Variants in CACNB4 observed in about 807,000 individuals in gnomAD.
The protein encoded by CACNB4 is calcium voltage-gated channel auxiliary subunit beta 4.
A neutral mutation model predicts 71.2 loss-of-function variants in CACNB4; 32 were observed. That is an observed-to-expected ratio of 0.45 (90% CI 0.34 to 0.60). The LOEUF (loss-of-function observed/expected upper bound fraction) is 0.60, where lower values mean the gene tolerates loss of function less well. Among genes scored for constraint, CACNB4 ranks in the 20% least tolerant of loss-of-function variants. The probability of loss-of-function intolerance (pLI) is 0.01; values close to 1 mark genes in which losing one functional copy is unlikely to be tolerated. For missense variants in CACNB4, 464 were observed against 647.9 expected (o/e 0.72, Z 3.08); for synonymous variants, 231 against 236.9 (o/e 0.97, Z 0.23).
chr2:152,093,691 G>T (rs185493352), intron 2 of CACNB4, among the ~76,000 whole-genome samples: 2 of 152,122 alleles, frequency 1.3e-5, no homozygotes, highest in African/African-American at 4.8e-5. Context: ...AAACTGAGCC[G>T]CTGCCAAAAG....
At chr2:152,071,931 G>A (rs923889818) in intron 2 of CACNB4, among the ~76,000 whole-genome samples, 1 of 152,188 alleles carries the variant, frequency 6.6e-6, no homozygotes, top group Non-Finnish European at 1.5e-5. Flanking sequence ...ACTGGTAGAG[G>A]TGATTTAATT....
intron 2 of CACNB4, among the ~76,000 whole-genome samples, chr2:151,896,715 G>C (rs67572576): frequency 0.095 from 14,455 of 152,220 alleles, 1,230 homozygotes; most frequent in Admixed American, 0.21. Flanking sequence ...TCTGTGTTCT[G>C]TGTGTTAGAG....
intron 2 of CACNB4, among the ~76,000 whole-genome samples, chr2:151,917,912 G>T (rs1400968933): frequency 6.6e-6 from 1 of 151,550 alleles, no homozygotes; most frequent in Non-Finnish European, 1.5e-5. Context: ...ATATGCTTTG[G>T]CTATGCACTA....
chr2:151,948,184 C>T (rs555743880), intron 2 of CACNB4, among the ~76,000 whole-genome samples: 3 of 152,330 alleles, frequency 2.0e-5, no homozygotes, highest in South Asian at 4.1e-4. Context: ...AAAAAGCTCT[C>T]CTACCCCAAA....
At chr2:151,880,731 T>C in intron 4 of CACNB4, 69 bp downstream of exon 4, 9 of 1,553,050 alleles carry the variant, frequency 5.8e-6, no homozygotes, top group Non-Finnish European at 7.9e-6. Context: ...TCTGGCTAGT[T>C]TGGCTCAGAG....
At chr2:151,941,651 T>C (rs558160064) in intron 2 of CACNB4, among the ~76,000 whole-genome samples, 4 of 152,130 alleles carry the variant, frequency 2.6e-5, no homozygotes, top group Non-Finnish European at 5.9e-5. Flanking sequence ...AAGAATCTTA[T>C]TGCTATGGTC....
chr2:152,029,512 GAAAAGAAAAGA>G lies in CACNB4; in HGVS notation c.147+68807_147+68817del, dbSNP rs1560145862. ...CGATCTCAAAAAAAAAAAAAAAAAA[GAAAAGAAAAGA>G]AAAGAAAAGAAAAGAAAGAGCCCAG... On this transcript the variant is annotated intron_variant, in intron 2 of 13. Transcript: ENST00000539935. Among the ~76,000 whole-genome samples, 312 of 133,598 alleles carry G rather than the reference GAAAAGAAAAGA, an allele frequency of 2.3e-3. 2 individuals carry two copies. The highest frequency in any genetic ancestry group is 0.014 in the East Asian group (67 of 4,770). 87.6% of individuals were successfully genotyped at this position (133,598 alleles called of 152,430 possible).
intron 2 of CACNB4, among the ~76,000 whole-genome samples, chr2:152,012,378 T>C (rs1015651161): frequency 6.6e-6 from 1 of 152,110 alleles, no homozygotes; most frequent in African/African-American, 2.4e-5. Context: ...CCGAGGCAGG[T>C]GGAGCGCCTG....
At chr2:151,915,431 T>C (rs1331172336) in intron 2 of CACNB4, among the ~76,000 whole-genome samples, 1 of 152,214 alleles carries the variant, frequency 6.6e-6, no homozygotes, top group Non-Finnish European at 1.5e-5. Flanking sequence ...TGCAGGCTGC[T>C]GTCCCTCCCG....
intron 12 of CACNB4, 71 bp from the exon 13 acceptor site, chr2:151,842,159 AAC>A (rs1458478210): frequency 7.9e-7 from 1 of 1,270,426 alleles, no homozygotes; most frequent in African/African-American, 1.5e-5. Context: ...AATTCCACTT[AAC>A]ACAGATAATA....
chr2:152,044,855 A>G (rs2105263652), intron 2 of CACNB4, among the ~76,000 whole-genome samples: 1 of 152,268 alleles, frequency 6.6e-6, no homozygotes, highest in Non-Finnish European at 1.5e-5. Context: ...ACCCAAGGCC[A>G]GTTTCATTCT....
chr2:151,903,180 T>C (rs1236133255), intron 2 of CACNB4, among the ~76,000 whole-genome samples: 1 of 152,200 alleles, frequency 6.6e-6, no homozygotes, highest in Non-Finnish European at 1.5e-5. Flanking sequence ...CTACCTTTTA[T>C]TTCATCAACA....
At chr2:152,004,305 AC>A (rs1055073528) in intron 2 of CACNB4, among the ~76,000 whole-genome samples, 1 of 151,954 alleles carries the variant, frequency 6.6e-6, no homozygotes, top group Non-Finnish European at 1.5e-5. Flanking sequence ...TTCAGGCACT[AC>A]CTAGTCCCTT....
intron 2 of CACNB4, among the ~76,000 whole-genome samples, chr2:152,059,214 T>C (rs573062065): frequency 6.6e-6 from 1 of 152,304 alleles, no homozygotes; most frequent in South Asian, 2.1e-4. Flanking sequence ...GGGCACTGCA[T>C]AGTGGAGCTG....
intron 2 of CACNB4, among the ~76,000 whole-genome samples, chr2:152,020,472 G>T (rs992474887): frequency 6.6e-6 from 1 of 152,208 alleles, no homozygotes; most frequent in Non-Finnish European, 1.5e-5. Context: ...TGAATTGGAC[G>T]TGAGGAAATA....
chr2:151,941,530 C>T (rs1464747912), intron 2 of CACNB4, among the ~76,000 whole-genome samples: 1 of 151,964 alleles, frequency 6.6e-6, no homozygotes, highest in African/African-American at 2.4e-5. Flanking sequence ...GATCCGCCTA[C>T]CTCAGCCTCC....
intron 2 of CACNB4, among the ~76,000 whole-genome samples, chr2:151,976,632 A>T (rs2099873858): frequency 6.6e-6 from 1 of 152,194 alleles, no homozygotes; most frequent in Non-Finnish European, 1.5e-5. Context: ...TTTCAACCCA[A>T]TACTCGGGCT....
At chr2:151,933,538 CAAGCA>C (rs541755381) in intron 2 of CACNB4, among the ~76,000 whole-genome samples, 32 of 151,998 alleles carry the variant, frequency 2.1e-4, no homozygotes, top group African/African-American at 7.2e-4. Context: ...TCAAAAAGAC[CAAGCA>C]ATGCATTCAA....
At chr2:152,093,744 C>G (rs1404001863) in intron 2 of CACNB4, among the ~76,000 whole-genome samples, 1 of 152,184 alleles carries the variant, frequency 6.6e-6, no homozygotes, top group African/African-American at 2.4e-5. Context: ...CAACTGCCAA[C>G]CACATGTGTG....
Sources: allele counts gnomAD v4.1 joint callset (sites outside exome capture counted in the v4.1 genomes callset), GRCh38; gene constraint gnomAD v4.1.1; transcripts MANE v1.5; gene names NCBI Gene and HGNC (gene_info 2026-07-23, HGNC 2026-07-21).